KY: variants seen among roughly 807,000 people sequenced by gnomAD.
The protein encoded by KY is kyphoscoliosis peptidase.
A neutral mutation model predicts 76.1 loss-of-function variants in KY; 43 were observed. The observed-to-expected ratio is 0.57, with a 90% CI of 0.44 to 0.73. The LOEUF is 0.73. Among genes scored for constraint, KY ranks in the 30% least tolerant of loss-of-function variants. The pLI is 0.00. For synonymous variants in KY, 277 were observed against 326.2 expected, an observed-to-expected ratio of 0.85 and a Z score of 1.63; for missense variants, 722 against 828.9, an observed-to-expected ratio of 0.87 and a Z score of 1.58.
At chr3:134,616,159 T>G (rs1308273381) in intron 8 of KY, among the ~76,000 whole-genome samples, 1 of 152,096 alleles carries the variant, frequency 6.6e-6, no homozygotes, top group Non-Finnish European at 1.5e-5. Flanking sequence ...AAGAGAGACA[T>G]TAATGTTGGA....
Position 134,601,837 on chromosome 3 carries a change from T to C in KY, c.*1742A>G, listed in dbSNP as rs1360416454. 1.3e-5 allele frequency among the ~76,000 whole-genome samples: 2 copies of C among 152,200 alleles called. No individual in the cohort carries two copies. Among genetic ancestry groups the C allele is most frequent in the Non-Finnish European group, 2.9e-5 (2 of 68,022 alleles). On this transcript the variant is annotated 3_prime_UTR_variant, in exon 11 of 11. Coordinates refer to ENST00000423778, the MANE Select transcript of KY (RefSeq NM_178554.6). ...CTTTTAGGGGAGGGATCCCGGGGGATAATGAACAGAAGTGTCTGGAGCCTG... is the reference window on the plus strand; with the variant it reads ...CTTTTAGGGGAGGGATCCCGGGGGACAATGAACAGAAGTGTCTGGAGCCTG...
At chr3:134,619,350 A>G in intron 7 of KY, 85 bp from the exon 8 acceptor site, 2 of 1,006,022 alleles carry the variant, frequency 2.0e-6, no homozygotes, top group Non-Finnish European at 1.6e-6. Flanking sequence ...TGCTCTGGCC[A>G]TCACCAGCCC....
In KY at chr3:134,647,920, A is replaced by G. The variant is rs143471568; in HGVS notation, c.137-423T>C. ...GAGTGGGCTAAGACCGTCAATCCCA[A>G]TGGGAATGGAAAATGACAGTTGCCA... On this transcript the variant is annotated intron_variant, in intron 1 of 10. Coordinates refer to ENST00000423778, the MANE Select transcript of KY (RefSeq NM_178554.6). 5.9e-3 allele frequency among the ~76,000 whole-genome samples: 904 copies of G among 152,314 alleles called. 12 individuals carry two copies. Among genetic ancestry groups the G allele is most frequent in the African/African-American group, 0.021 (869 of 41,562 alleles).
At chr3:134,627,659 AT>A in intron 5 of KY, 96 bp downstream of exon 5, 1 of 1,090,706 alleles carries the variant, frequency 9.2e-7, no homozygotes, top group Non-Finnish European at 1.4e-6. Context: ...GCCTCTCAGC[AT>A]AGTGGCCCAG....
intron 10 of KY, chr3:134,607,858 G>A: frequency 2.0e-6 from 2 of 988,290 alleles, no homozygotes; most frequent in African/African-American, 1.7e-5. Context: ...AGAAGGGAGG[G>A]GTACTGAGCC....
intron 9 of KY, among the ~76,000 whole-genome samples, chr3:134,609,557 T>C (rs1280636118): frequency 6.6e-6 from 1 of 152,192 alleles, no homozygotes; most frequent in African/African-American, 2.4e-5. Flanking sequence ...TCTGAGCTGC[T>C]GATAACATCA....
Position 134,601,114 on chromosome 3 carries a change from AT to A in KY, c.*2464del, listed in dbSNP as rs1958944247. On this transcript the variant is annotated 3_prime_UTR_variant, in exon 11 of 11. Transcript: ENST00000423778. ...AAAAGCCTTCAAAATGCAACTCCGA[AT>A]GTCTACCCTGAGCAGCATGCGTGTA... 3 of 152,172 alleles carry A rather than the reference AT, an allele frequency of 2.0e-5. No individual in the cohort carries two copies. The South Asian group carries it at 6.2e-4, about 32-fold the overall frequency. 9.4% of individuals were successfully genotyped at this position (152,172 alleles called of 1,614,324 possible).
intron 3 of KY, among the ~76,000 whole-genome samples, chr3:134,632,559 G>T (rs1226961253): frequency 6.6e-6 from 1 of 151,928 alleles, no homozygotes; most frequent in Non-Finnish European, 1.5e-5. Context: ...TGAACTCATT[G>T]AAAATGAAAA....
At chr3:134,644,108 A>G (rs1404401551) in intron 2 of KY, among the ~76,000 whole-genome samples, 2 of 152,160 alleles carry the variant, frequency 1.3e-5, no homozygotes, top group Admixed American at 1.3e-4. Flanking sequence ...TATAGGCGTG[A>G]GCCACCGCGC....
At chr3:134,625,594 G>A (rs1309031136) in intron 5 of KY, among the ~76,000 whole-genome samples, 3 of 152,218 alleles carry the variant, frequency 2.0e-5, no homozygotes, top group African/African-American at 7.2e-5. Flanking sequence ...CCACAGCCAC[G>A]GCCCTGGGGT....
chr3:134,617,954 T>G (rs1185186372), intron 8 of KY, among the ~76,000 whole-genome samples: 1 of 151,998 alleles, frequency 6.6e-6, no homozygotes, highest in Non-Finnish European at 1.5e-5. Context: ...CCAGTGAGGA[T>G]CCAGGTTCCT....
intron 3 of KY, among the ~76,000 whole-genome samples, chr3:134,631,542 G>C (rs1964240446): frequency 1.1e-5 from 1 of 94,036 alleles, no homozygotes; most frequent in African/African-American, 3.1e-5. Context: ...ACATCTGATA[G>C]GTTTTTGATA....
rs1165626143 is a variant in KY at position 134,628,968 on chromosome 3, A to G, written c.337+653T>C. 3.9e-5 allele frequency among the ~76,000 whole-genome samples: 6 copies of G among 152,340 alleles called. No individual in the cohort carries two copies. In the East Asian group the frequency reaches 1.2e-3, roughly 29 times the overall value. ...TGGACCTAAAGAGGACTTGAGCCTC[A>G]GTTGTTCTGCAGCCTCTGTTACTTA... On this transcript the variant is annotated intron_variant, in intron 4 of 10. Coordinates refer to ENST00000423778, the MANE Select transcript of KY (RefSeq NM_178554.6).
intron 10 of KY, chr3:134,607,124 C>T: frequency 8.1e-6 from 8 of 985,410 alleles, no homozygotes; most frequent in African/African-American, 3.5e-5. Flanking sequence ...TTGCTTTGAC[C>T]TGGTCAGTTC....
Position 134,619,274 on chromosome 3 carries a change from C to G in KY, c.593-9G>C. ...AGCTGCAATGTCATACTCTATAGGG[C>G]AGGTGAGGGGATCATGAAGAGCTTG... On this transcript the variant is annotated splice_polypyrimidine_tract_variant and intron_variant, in intron 7 of 10. Coordinates refer to ENST00000423778, the MANE Select transcript of KY (RefSeq NM_178554.6). 1 of 1,603,780 alleles carries G rather than the reference C, an allele frequency of 6.2e-7. No homozygotes were observed. The highest frequency in any genetic ancestry group is 8.5e-7 in the Non-Finnish European group (1 of 1,170,630).
chr3:134,631,388 G>A (rs947499519), intron 3 of KY, among the ~76,000 whole-genome samples: 7 of 152,280 alleles, frequency 4.6e-5, no homozygotes, highest in East Asian at 3.9e-4. Context: ...AAATGCTAAC[G>A]GAAGTTCTTC....
At chr3:134,626,982 G>A (rs1285344471) in intron 5 of KY, among the ~76,000 whole-genome samples, 1 of 152,168 alleles carries the variant, frequency 6.6e-6, no homozygotes, top group Non-Finnish European at 1.5e-5. Flanking sequence ...ACATCGAACA[G>A]ATTTCCACTC....
chr3:134,632,859 G>C (rs899707796), intron 3 of KY, among the ~76,000 whole-genome samples: 1 of 151,786 alleles, frequency 6.6e-6, no homozygotes, highest in East Asian at 1.9e-4. Context: ...TAGCTAGAAT[G>C]ACCAAGAAAA....
intron 3 of KY, among the ~76,000 whole-genome samples, chr3:134,631,209 A>G (rs1964183078): frequency 1.3e-5 from 2 of 152,242 alleles, no homozygotes; most frequent in South Asian, 2.1e-4. Flanking sequence ...GGCAAAAGAC[A>G]TAAAACCTTA....
Sources: allele counts gnomAD v4.1 joint callset (sites outside exome capture counted in the v4.1 genomes callset), GRCh38; gene constraint gnomAD v4.1.1; transcripts MANE v1.5; gene names NCBI Gene and HGNC (gene_info 2026-07-23, HGNC 2026-07-21).